ARID5B: variants seen among roughly 807,000 people sequenced by gnomAD.
The protein encoded by ARID5B is AT-rich interaction domain 5B.
In ARID5B, 13 loss-of-function variants were observed where a neutral mutation model predicts 97.2. The observed-to-expected ratio is 0.13, with a 90% confidence interval of 0.09 to 0.21. The LOEUF (loss-of-function observed/expected upper bound fraction) is 0.21. ARID5B is among the 10% of genes least tolerant of loss of function. The pLI is 1.00. For synonymous variants in ARID5B, 556 were observed against 570.3 expected (o/e 0.97, Z 0.36); for missense variants, 1,210 against 1,465.3 (o/e 0.83, Z 2.84).
intron 3 of ARID5B, among the ~76,000 whole-genome samples, chr10:61,949,528 T>C (rs1316901638): frequency 6.6e-6 from 1 of 152,106 alleles, no homozygotes; most frequent in Non-Finnish European, 1.5e-5. Context: ...TCCCAGCTAC[T>C]TGGGAGGCTG....
At chr10:61,945,437 C>A (rs1844483913) in intron 3 of ARID5B, among the ~76,000 whole-genome samples, 1 of 152,068 alleles carries the variant, frequency 6.6e-6, no homozygotes, top group African/African-American at 2.4e-5. Flanking sequence ...TATTATACAG[C>A]TCTAAGGTGA....
intron 5 of ARID5B, among the ~76,000 whole-genome samples, chr10:62,052,936 A>G (rs1477526294): frequency 6.6e-6 from 1 of 152,214 alleles, no homozygotes; most frequent in African/African-American, 2.4e-5. Flanking sequence ...GATTACAGTC[A>G]TGCCTTGGCT....
chr10:61,916,868 G>A (rs16916848), intron 2 of ARID5B, among the ~76,000 whole-genome samples: 15,605 of 152,118 alleles, frequency 0.1, 1,980 homozygotes, highest in African/African-American at 0.3. Context: ...CTAGGAACAA[G>A]GAAGCCACAG....
In ARID5B at chr10:62,085,875, C is replaced by A; in HGVS notation, c.1373C>A (p.Ala458Asp). Residue 458 changes from alanine (A) to aspartate (D), a missense_variant, in exon 9 of 10, where the codon GCC (alanine) becomes GAC (aspartate). Ala to Asp is a moderately radical substitution (Grantham distance 126). Transcript: ENST00000279873. ...AAAAGCAAGAAAGAAAAAGAAAATG[C>A]CCCAAAGCCCCAGGATGCAGCAGAG... ...IPKSKKEKEN[A>D]PKPQDAAEVS... The A allele has an allele frequency of 6.2e-7, 1 of 1,613,350 alleles. No homozygotes were observed. Among genetic ancestry groups the A allele is most frequent in the Non-Finnish European group, 8.5e-7 (1 of 1,179,920 alleles).
At chr10:62,011,296 G>A (rs1010625743) in intron 4 of ARID5B, among the ~76,000 whole-genome samples, 7 of 152,156 alleles carry the variant, frequency 4.6e-5, no homozygotes, top group Admixed American at 2.6e-4. Flanking sequence ...GCTGAGTCCC[G>A]CTTCATTTCC....
intron 7 of ARID5B, among the ~76,000 whole-genome samples, chr10:62,064,418 C>T (rs774472327): frequency 1.1e-4 from 17 of 152,186 alleles, no homozygotes; most frequent in South Asian, 6.2e-4. Context: ...CTGTTGACTT[C>T]GTATTTCCTA....
chr10:62,033,677 G>A (rs1242465078), intron 4 of ARID5B, among the ~76,000 whole-genome samples: 5 of 152,124 alleles, frequency 3.3e-5, no homozygotes, highest in African/African-American at 4.8e-5. Flanking sequence ...TTACTTCCAC[G>A]TGTCCGTGCA....
rs1435047580 is a variant in ARID5B at position 62,051,015 on chromosome 10, T to C, written c.846+15T>C. 1.3e-6 allele frequency: 2 copies of C among 1,590,928 alleles called. No individual in the cohort carries two copies. The highest frequency in any genetic ancestry group is 1.1e-5 in the South Asian group (1 of 90,602). On this transcript the variant is annotated intron_variant, in intron 5 of 9. Coordinates refer to ENST00000279873, the MANE Select transcript of ARID5B (RefSeq NM_032199.3). ...CCGTTGCCAAGGTACGGTCATTCAC[T>C]CCACGGTATTCATTTCGTTGCATCT... is the stretch of plus-strand genomic sequence containing the variant.
At chr10:61,913,654 G>A (rs965393321) in intron 2 of ARID5B, among the ~76,000 whole-genome samples, 2 of 152,174 alleles carry the variant, frequency 1.3e-5, no homozygotes, top group Non-Finnish European at 2.9e-5. Flanking sequence ...CCAGTGCCCT[G>A]TCTTATACCA....
At position 62,015,876 on chromosome 10, in the gene ARID5B, G is replaced by C. The variant is rs550336585; in HGVS notation, c.733+15555G>C. ...GACCTCAGGTGATCCGCCCACCTTG[G>C]CCTCCCAAAGTGCTGGGATTACAGG... On this transcript the variant is annotated intron_variant, in intron 4 of 9. Transcript: ENST00000279873. Among the ~76,000 whole-genome samples, 135 of 152,260 alleles carry C rather than the reference G, an allele frequency of 8.9e-4. 1 individual carries two copies. The highest frequency in any genetic ancestry group is 1.9e-3 in the South Asian group (9 of 4,824).
Position 62,056,749 on chromosome 10 carries a change from T to C in ARID5B, c.847-368T>C, listed in dbSNP as rs1168192805. ...AGGAGTCTAAAAGAAGCTGGCATAG[T>C]TTGGCAAACTATGACCCACTGGCTG... On this transcript the variant is annotated intron_variant, in intron 5 of 9. Coordinates refer to ENST00000279873, the MANE Select transcript of ARID5B (RefSeq NM_032199.3). Among the ~76,000 whole-genome samples the C allele has an allele frequency of 3.9e-5, 6 of 152,250 alleles. No individual in the cohort carries two copies. In the East Asian group the frequency reaches 1.2e-3, roughly 29 times the overall value.
At chr10:61,980,777 C>T (rs1197665968) in intron 3 of ARID5B, among the ~76,000 whole-genome samples, 1 of 152,188 alleles carries the variant, frequency 6.6e-6, no homozygotes, top group Non-Finnish European at 1.5e-5. Flanking sequence ...CTTCTGCCTC[C>T]TCCAAAATCA....
chr10:62,086,477 G>A (rs563064082), intron 9 of ARID5B, among the ~76,000 whole-genome samples: 55 of 151,988 alleles, frequency 3.6e-4, no homozygotes, highest in African/African-American at 1.3e-3. Context: ...TGAGGCGGGC[G>A]GATCACAAGG....
At chr10:62,087,506 G>T in intron 9 of ARID5B, among the ~76,000 whole-genome samples, 1 of 146,670 alleles carries the variant, frequency 6.8e-6, no homozygotes. Context: ...ATTTCAACAT[G>T]AATAATAAAA....
intron 3 of ARID5B, among the ~76,000 whole-genome samples, chr10:61,994,278 G>A (rs1351246444): frequency 6.6e-6 from 1 of 151,998 alleles, no homozygotes; most frequent in Non-Finnish European, 1.5e-5. Flanking sequence ...AAAACTTACT[G>A]ATGTTAGAAG....
intron 4 of ARID5B, chr10:62,024,526 C>G (rs1300107348): frequency 2.8e-6 from 1 of 357,214 alleles, no homozygotes. Context: ...GATCATACCT[C>G]GGGACTTTAT....
At chr10:61,920,952 G>A (rs1019987533) in intron 2 of ARID5B, among the ~76,000 whole-genome samples, 2 of 152,064 alleles carry the variant, frequency 1.3e-5, no homozygotes, top group Admixed American at 1.3e-4. Context: ...AAATTTCTAT[G>A]GATACCCCTC....
chr10:62,048,048 C>G (rs912945250), intron 4 of ARID5B, among the ~76,000 whole-genome samples: 2 of 152,144 alleles, frequency 1.3e-5, no homozygotes, highest in Non-Finnish European at 2.9e-5. Context: ...GTCTCCATTC[C>G]CAGTGCAAAC....
intron 4 of ARID5B, among the ~76,000 whole-genome samples, chr10:62,010,169 T>C (rs573352354): frequency 6.6e-6 from 1 of 152,286 alleles, no homozygotes; most frequent in African/African-American, 2.4e-5. Context: ...CCCTTGGGCC[T>C]ATGAGAAAGA....
Sources: gnomAD v4.1 joint callset for allele counts (sites outside exome capture counted in the v4.1 genomes callset) on GRCh38, gnomAD v4.1.1 for gene constraint, MANE v1.5 for transcripts, NCBI Gene and HGNC (gene_info 2026-07-23, HGNC 2026-07-21) for gene names.